The following UBXN2A variants were observed in gnomAD, a reference collection of about 807,000 sequenced individuals.
UBXN2A encodes the protein UBX domain protein 2A.
UBXN2A carries 28 observed loss-of-function variants against 28.4 expected under a neutral mutation model. The observed-to-expected ratio is 0.99, with a 90% CI of 0.73 to 1.35. The LOEUF is 1.35. Ranked by LOEUF, UBXN2A falls within the 40% of genes most tolerant of loss-of-function variation. UBXN2A has a pLI of 0.00. For missense variants in UBXN2A, 253 were observed against 297.9 expected (o/e 0.85, Z 1.11); for synonymous variants, 97 against 103.6 (o/e 0.94, Z 0.39).
upstream of UBXN2A, among the ~76,000 whole-genome samples, chr2:23,935,718 A>C (rs1705504214): frequency 6.6e-6 from 1 of 152,204 alleles, no homozygotes; most frequent in Non-Finnish European, 1.5e-5. Flanking sequence ...AAAGTTAAAC[A>C]CAGAAATACC....
In UBXN2A at chr2:23,999,983, T is replaced by G; in HGVS notation, c.*116T>G. The stretch of plus-strand genomic sequence containing the variant: ...ACTAGACTTTTGGTTCGAGTACTAT[T>G]GAACTCTCTCCTGATGAGAAGATGT... On this transcript the variant is annotated 3_prime_UTR_variant, in exon 7 of 7. Transcript: ENST00000309033. The G allele has an allele frequency of 1.1e-6, 1 of 942,820 alleles. No homozygotes were observed. The highest frequency in any genetic ancestry group is 1.6e-6 in the Non-Finnish European group (1 of 626,604). 58.4% of individuals were successfully genotyped at this position (942,820 alleles called of 1,614,324 possible). A position where few individuals can be genotyped will look rare whatever the true frequency, so the allele number is the denominator to read the frequency against.
At chr2:23,983,557 T>C (rs1007768995) in intron 5 of UBXN2A, among the ~76,000 whole-genome samples, 1 of 152,188 alleles carries the variant, frequency 6.6e-6, no homozygotes, top group African/African-American at 2.4e-5. Flanking sequence ...CAGGCTTTTT[T>C]GTTTTTCTTT....
upstream of UBXN2A, among the ~76,000 whole-genome samples, chr2:23,939,354 C>A (rs1037945598): frequency 6.6e-6 from 1 of 152,068 alleles, no homozygotes; most frequent in Non-Finnish European, 1.5e-5. Flanking sequence ...GCTACAGCAA[C>A]CGGGAGAACT....
At chr2:23,957,041 T>G (rs990677257) in intron 1 of UBXN2A, among the ~76,000 whole-genome samples, 2 of 152,218 alleles carry the variant, frequency 1.3e-5, no homozygotes, top group Non-Finnish European at 1.5e-5. Context: ...TTATAATACC[T>G]GATACTATGT....
chr2:23,976,377 G>A (rs890272999), intron 3 of UBXN2A, among the ~76,000 whole-genome samples: 14 of 151,994 alleles, frequency 9.2e-5, no homozygotes, highest in South Asian at 2.1e-4. Context: ...TCTGTGCCTC[G>A]CCCAACATCG....
chr2:23,946,241 C>A (rs1016545882), intron 1 of UBXN2A, among the ~76,000 whole-genome samples: 4 of 152,154 alleles, frequency 2.6e-5, no homozygotes, highest in Admixed American at 2.0e-4. Context: ...GCAACCTTTG[C>A]TTCCGGGTTC....
chr2:23,957,622 G>A (rs1359192843), intron 1 of UBXN2A, among the ~76,000 whole-genome samples: 1 of 151,656 alleles, frequency 6.6e-6, no homozygotes, highest in East Asian at 2.0e-4. Flanking sequence ...ATCACCTGAG[G>A]TTGGGAGTTC....
At chr2:23,944,312 G>T in intron 1 of UBXN2A, 1 of 1,604,548 alleles carries the variant, frequency 6.2e-7, no homozygotes, top group South Asian at 1.1e-5. Context: ...TGGTTGTCCT[G>T]GTTCTTACTG....
At chr2:23,943,552 A>G (rs955374194) in intron 1 of UBXN2A, among the ~76,000 whole-genome samples, 1 of 152,042 alleles carries the variant, frequency 6.6e-6, no homozygotes, top group Non-Finnish European at 1.5e-5. Context: ...CAATGACCCA[A>G]TCTTGGCTCA....
chr2:23,960,024 G>T (rs889365852), intron 2 of UBXN2A, among the ~76,000 whole-genome samples: 5 of 152,040 alleles, frequency 3.3e-5, no homozygotes, highest in Non-Finnish European at 7.4e-5. Flanking sequence ...AGGCCGAGGC[G>T]GGTGGATCAC....
In UBXN2A at chr2:23,942,352, AGTT is replaced by A. The variant is rs577501101; in HGVS notation, c.-15+1710_-15+1712del. ...AGATGGTCATTTCAGGAACTTCAGC[AGTT>A]GTTGTGTGGAAAGCAAAAGGGTGCT... On this transcript the variant is annotated intron_variant, in intron 1 of 6. Coordinates refer to ENST00000309033, the MANE Select transcript of UBXN2A (RefSeq NM_181713.4). 3.3e-3 allele frequency among the ~76,000 whole-genome samples: 499 copies of A among 149,926 alleles called. 4 individuals carry two copies. Among genetic ancestry groups the A allele is most frequent in the African/African-American group, 0.012 (484 of 40,942 alleles).
intron 1 of UBXN2A, among the ~76,000 whole-genome samples, chr2:23,950,755 G>A (rs1706323517): frequency 1.3e-5 from 2 of 151,896 alleles, no homozygotes; most frequent in African/African-American, 2.4e-5. Flanking sequence ...CCAGGCTGGA[G>A]TGAAGTGGCA....
chr2:23,987,544 C>T (rs990522943), intron 6 of UBXN2A, among the ~76,000 whole-genome samples: 1 of 151,782 alleles, frequency 6.6e-6, no homozygotes, highest in African/African-American at 2.4e-5. Flanking sequence ...TTTGGGAGGC[C>T]GAGGTGAGCA....
At chr2:23,949,416 A>G (rs560615712) in intron 1 of UBXN2A, among the ~76,000 whole-genome samples, 1 of 152,092 alleles carries the variant, frequency 6.6e-6, no homozygotes, top group African/African-American at 2.4e-5. Context: ...CTAAAAATAC[A>G]AAACATTAGC....
chr2:23,986,886 G>T (rs991591585), intron 6 of UBXN2A, among the ~76,000 whole-genome samples: 6 of 152,138 alleles, frequency 3.9e-5, no homozygotes, highest in Non-Finnish European at 7.4e-5. Context: ...GGGATTACAA[G>T]CATGAGCCAC....
chr2:23,977,865 T>G (rs540345885), intron 4 of UBXN2A, among the ~76,000 whole-genome samples: 6 of 152,138 alleles, frequency 3.9e-5, no homozygotes, highest in African/African-American at 1.4e-4. Flanking sequence ...GGAGTCTTGC[T>G]CTTTTGCTCA....
At chr2:23,939,861 G>A (rs1705659614), upstream of UBXN2A, among the ~76,000 whole-genome samples, 1 of 152,144 alleles carries the variant, frequency 6.6e-6, no homozygotes, top group Admixed American at 6.5e-5. Flanking sequence ...TGTAATCCCA[G>A]CACATTGGGA....
At chr2:23,969,686 C>G (rs1707331333) in intron 2 of UBXN2A, among the ~76,000 whole-genome samples, 1 of 152,130 alleles carries the variant, frequency 6.6e-6, no homozygotes, top group Admixed American at 6.6e-5. Context: ...TAAAATTCAG[C>G]CAGCTGTGGC....
chr2:23,974,976 CAAAA>C (rs763814077), intron 3 of UBXN2A, among the ~76,000 whole-genome samples: 1 of 124,892 alleles, frequency 8.0e-6, no homozygotes, highest in African/African-American at 3.0e-5. Context: ...AAGACTGTCT[CAAAA>C]AAAAAAAAAG....
Sources: allele counts gnomAD v4.1 joint callset (sites outside exome capture counted in the v4.1 genomes callset), GRCh38; gene constraint gnomAD v4.1.1; transcripts MANE v1.5; gene names NCBI Gene and HGNC (gene_info 2026-07-23, HGNC 2026-07-21).